Variants in WNK2 observed in about 807,000 individuals in gnomAD.
The protein encoded by WNK2 is WNK lysine deficient protein kinase 2, also known as serine/threonine-protein kinase WNK2.
Under a neutral mutation model 192.1 loss-of-function variants are expected in WNK2, and 67 were observed. The observed-to-expected ratio is 0.35, with a 90% CI of 0.29 to 0.43. WNK2 has a LOEUF of 0.43. Among genes scored for constraint, WNK2 ranks in the 20% least tolerant of loss-of-function variants. WNK2 has a pLI of 1.00. For missense variants in WNK2, 2,698 were observed against 3,089.7 expected, an observed-to-expected ratio of 0.87 and a Z score of 3.01; for synonymous variants, 1,439 against 1,393.9, an observed-to-expected ratio of 1.03 and a Z score of -0.72.
intron 2 of WNK2, among the ~76,000 whole-genome samples, chr9:93,227,778 G>A (rs1320976159): frequency 6.6e-6 from 1 of 152,154 alleles, no homozygotes; most frequent in Non-Finnish European, 1.5e-5. Flanking sequence ...GGGACTACAG[G>A]TGTGAGCCAC....
At chr9:93,314,351 G>A (rs909579048) in intron 28 of WNK2, among the ~76,000 whole-genome samples, 3 of 151,442 alleles carry the variant, frequency 2.0e-5, no homozygotes, top group African/African-American at 4.9e-5. Context: ...AGGAGGCTGA[G>A]GTGAGAGGAT....
chr9:93,293,008 C>A lies in WNK2; in HGVS notation c.5543C>A (p.Ser1848Tyr), dbSNP rs1404616361. 3 of 1,593,338 alleles carry A rather than the reference C, an allele frequency of 1.9e-6. No homozygotes were observed. Among genetic ancestry groups the A allele is most frequent in the African/African-American group, 1.3e-5 (1 of 74,184 alleles). ...KKATAFLQRP[S>Y]RAGSLGPETP... is the part of the protein sequence containing the mutation. ...GCCACCGCCTTCCTGCAGAGGCCTTCTCGGGCCGGCTCGCTGGGCCCCGAG... is the reference window on the plus strand; with the variant it reads ...GCCACCGCCTTCCTGCAGAGGCCTTATCGGGCCGGCTCGCTGGGCCCCGAG... Residue 1848 changes from serine to tyrosine, a missense_variant, in exon 23 of 30, where the codon TCT becomes TAT. Ser to Tyr is a moderately radical substitution (Grantham distance 144, BLOSUM62 -2). This residue lies in a region of WNK2 where 1,098 missense variants were observed against 1,101.0 expected (regional missense o/e 1.00). Transcript: ENST00000427277.
At chr9:93,196,637 T>C (rs1831333346) in intron 2 of WNK2, among the ~76,000 whole-genome samples, 1 of 152,214 alleles carries the variant, frequency 6.6e-6, no homozygotes, top group African/African-American at 2.4e-5. Context: ...AAGAGAAATA[T>C]TTACCAGGGA....
intron 28 of WNK2, among the ~76,000 whole-genome samples, chr9:93,312,896 T>C (rs1015988684): frequency 6.6e-6 from 1 of 152,354 alleles, no homozygotes; most frequent in East Asian, 1.9e-4. Flanking sequence ...ACTCTGCCAC[T>C]TTTTTCCTCT....
intron 2 of WNK2, among the ~76,000 whole-genome samples, chr9:93,200,697 G>A (rs565886125): frequency 2.1e-4 from 32 of 152,168 alleles, no homozygotes; most frequent in Non-Finnish European, 3.4e-4. Flanking sequence ...CTCTGGATTG[G>A]GTGACTTAGA....
At chr9:93,296,789 TC>T (rs1261356714) in intron 23 of WNK2, among the ~76,000 whole-genome samples, 1 of 33,956 alleles carries the variant, frequency 2.9e-5, no homozygotes, top group African/African-American at 1.4e-4. Context: ...TTCCTCCCCC[TC>T]CATCCTTCCC....
Position 93,252,879 on chromosome 9 carries a change from C to T in WNK2, c.1835-4C>T. 6.9e-7 allele frequency: 1 copy of T among 1,456,362 alleles called. No homozygotes were observed. 90.2% of individuals were successfully genotyped at this position (1,456,362 alleles called of 1,614,324 possible). ...ACTCTAAGTCCTGCTTTTGTCCTCC[C>T]CAGCGGACAGCACCTTCGACAGCGG... On this transcript the variant is annotated splice_region_variant and splice_polypyrimidine_tract_variant and intron_variant, in intron 8 of 29. Coordinates refer to ENST00000427277, the MANE Select transcript of WNK2 (RefSeq NM_006648.4).
At chr9:93,268,539 G>C in intron 18 of WNK2, 88 bp from the exon 19 acceptor site, 1 of 1,546,056 alleles carries the variant, frequency 6.5e-7, no homozygotes, top group East Asian at 2.4e-5. Flanking sequence ...CAGACCCACT[G>C]TGGCAAGTCT....
intron 2 of WNK2, among the ~76,000 whole-genome samples, chr9:93,226,066 C>T (rs1358170979): frequency 6.6e-6 from 1 of 152,184 alleles, no homozygotes; most frequent in Non-Finnish European, 1.5e-5. Context: ...GCTTGGTGTC[C>T]GTTTGACAGC....
intron 8 of WNK2, 129 bp from the exon 9 acceptor site, chr9:93,252,754 G>A (rs1328305092): frequency 5.8e-6 from 5 of 866,090 alleles, no homozygotes; most frequent in African/African-American, 3.5e-5. Flanking sequence ...TAAACAATAT[G>A]TGCGGGTTAT....
At chr9:93,211,510 CCACT>C (rs1361273819) in intron 2 of WNK2, among the ~76,000 whole-genome samples, 1 of 141,710 alleles carries the variant, frequency 7.1e-6, no homozygotes, top group Non-Finnish European at 1.5e-5. Flanking sequence ...ATTCACTCAT[CCACT>C]CACTCATACA....
chr9:93,253,103 C>T (rs781093053), intron 9 of WNK2, 21 bp downstream of exon 9: 3 of 1,383,670 alleles, frequency 2.2e-6, no homozygotes, highest in Non-Finnish European at 2.8e-6. Context: ...GCATCACTCC[C>T]ACCCCCTTCC....
intron 27 of WNK2, chr9:93,307,998 C>T: frequency 2.8e-6 from 1 of 363,336 alleles, no homozygotes; most frequent in Non-Finnish European, 5.0e-6. Flanking sequence ...CAGGAGTTTC[C>T]TGAGCTCTCT....
intron 4 of WNK2, among the ~76,000 whole-genome samples, chr9:93,233,013 A>G (rs1311800692): frequency 2.7e-5 from 4 of 150,724 alleles, no homozygotes; most frequent in African/African-American, 9.7e-5. Flanking sequence ...AAGAGAGAGA[A>G]ATAAAGAAAG....
At chr9:93,203,563 C>T (rs1238677162) in intron 2 of WNK2, among the ~76,000 whole-genome samples, 3 of 152,170 alleles carry the variant, frequency 2.0e-5, no homozygotes, top group Admixed American at 6.5e-5. Flanking sequence ...TAGTCCCCTG[C>T]AGTCTGTGGA....
At chr9:93,195,917 G>A (rs528415527) in intron 2 of WNK2, among the ~76,000 whole-genome samples, 3 of 152,194 alleles carry the variant, frequency 2.0e-5, no homozygotes, top group Admixed American at 2.0e-4. Context: ...AGAGGCCATG[G>A]TTCTGAGGTT....
rs371625188 is a variant in WNK2, at chr9:93,299,212, G to A, written c.6066G>A (p.Ser2022=). The change falls in exon 25 of 30, where the codon TCG becomes TCA. Residue 2022 remains serine (S), a synonymous_variant. Coordinates refer to ENST00000427277, the MANE Select transcript of WNK2 (RefSeq NM_006648.4). ...QPCSVRASLS[S]DICSGLASDG... ...GCTCCGTCCGGGCCTCCCTGTCTTC[G>A]GACATCTGCTCCGGCTTAGCCAGTG... 1.2e-5 allele frequency: 19 copies of A among 1,594,580 alleles called. No individual in the cohort carries two copies. In the East Asian group the frequency reaches 1.4e-4, roughly 11 times the overall value.
In WNK2 at chr9:93,239,954, C is replaced by T; in HGVS notation, c.1520C>T (p.Pro507Leu). The stretch of plus-strand genomic sequence containing the variant: ...ACCTTCGACCTGGAGAAGGAGACGC[C>T]GGATGAGGTGGCCCAAGAGATGGTA... ...EFTFDLEKET[P>L]DEVAQEMIES... Residue 507 changes from proline (P) to leucine (L), a missense_variant, in exon 7 of 30, where the codon CCG becomes CTG. By Grantham distance (98) the Pro-to-Leu change is moderately conservative. Transcript: ENST00000427277. The surrounding 1 kb of genome is among the most constrained non-coding windows in gnomAD (Gnocchi z 4.2). 6.2e-7 allele frequency: 1 copy of T among 1,611,648 alleles called. No homozygotes were observed. Among genetic ancestry groups the T allele is most frequent in the Non-Finnish European group, 8.5e-7 (1 of 1,178,958 alleles).
chr9:93,309,849 C>T (rs1341804943), intron 28 of WNK2, among the ~76,000 whole-genome samples: 2 of 152,176 alleles, frequency 1.3e-5, no homozygotes, highest in Non-Finnish European at 1.5e-5. Context: ...ATAAAGTGCC[C>T]ACTAATGGTT....
Sources: allele counts gnomAD v4.1 joint callset (sites outside exome capture counted in the v4.1 genomes callset), GRCh38; gene constraint gnomAD v4.1.1; regional missense constraint gnomAD v4.1.1; non-coding constraint Gnocchi (gnomAD v3.1); transcripts MANE v1.5; gene names NCBI Gene and HGNC (gene_info 2026-07-23, HGNC 2026-07-21).